The following CEP295 variants were observed in gnomAD, a reference collection of about 807,000 sequenced individuals.
CEP295 encodes centrosomal protein of 295 kDa.
Under a neutral mutation model 291.6 loss-of-function variants are expected in CEP295, and 190 were observed. That is an observed-to-expected ratio of 0.65 (90% confidence interval 0.58 to 0.73). The LOEUF (loss-of-function observed/expected upper bound fraction) is 0.73, where lower values mean the gene tolerates loss of function less well. Among genes scored for constraint, CEP295 ranks in the 30% least tolerant of loss-of-function variants. The pLI is 0.00. For synonymous variants in CEP295, 993 were observed against 1,038.8 expected (o/e 0.96, Z 0.85); for missense variants, 2,863 against 2,949.4 (o/e 0.97, Z 0.68).
intron 18 of CEP295, among the ~76,000 whole-genome samples, chr11:93,710,702 T>C (rs1952835074): frequency 6.6e-6 from 1 of 152,216 alleles, no homozygotes; most frequent in Non-Finnish European, 1.5e-5. Flanking sequence ...AGTTTGCCTT[T>C]AAGTGTTCGG....
intron 18 of CEP295, among the ~76,000 whole-genome samples, chr11:93,710,055 C>G (rs992563900): frequency 2.0e-5 from 3 of 152,012 alleles, no homozygotes; most frequent in South Asian, 2.1e-4. Flanking sequence ...TAGGTTTTTT[C>G]CAGATATAAG....
At position 93,696,953 on chromosome 11, in the gene CEP295, C is replaced by T. The variant is rs1951873629; in HGVS notation, c.2041C>T (p.His681Tyr). ...TCATTTTCAGGTAGCGAGACAAAAT[C>T]ACTTTCCACAAAGACAGGTGGAAAC... Reference protein sequence around the residue: ...QDHFQVARQNHFPQRQVETTE... With the variant: ...QDHFQVARQNYFPQRQVETTE... Residue 681 changes from histidine (H) to tyrosine (Y), a missense_variant, in exon 15 of 30, where the codon CAC becomes TAC. His to Tyr is a moderately conservative substitution (Grantham distance 83, BLOSUM62 2). Coordinates refer to ENST00000325212, the MANE Select transcript of CEP295 (RefSeq NM_033395.2). The T allele has an allele frequency of 6.4e-7, 1 of 1,551,802 alleles. No homozygotes were observed. Among genetic ancestry groups the T allele is most frequent in the Admixed American group, 2.0e-5 (1 of 50,996 alleles).
chr11:93,726,915 C>CA, intron 23 of CEP295, 61 bp from the exon 24 acceptor site: 1 of 1,305,670 alleles, frequency 7.7e-7, no homozygotes, highest in South Asian at 1.6e-5. Flanking sequence ...TAGAGACTGT[C>CA]AGTATCCAAC....
At chr11:93,720,110 C>G (rs571677564) in intron 18 of CEP295, among the ~76,000 whole-genome samples, 67 of 149,596 alleles carry the variant, frequency 4.5e-4, no homozygotes, top group Non-Finnish European at 8.4e-4. Context: ...ATAATCCCAG[C>G]TACTCAGGAG....
Position 93,698,096 on chromosome 11 carries a change from G to A in CEP295, c.3184G>A (p.Glu1062Lys). Residue 1062 changes from glutamate (E) to lysine (K), a missense_variant, in exon 15 of 30, where the codon GAA (glutamate) becomes AAA (lysine). Coordinates refer to ENST00000325212, the MANE Select transcript of CEP295 (RefSeq NM_033395.2). Reference sequence around the variant, plus strand: ...ACATGATAGTTTGAAGTTGCTCCAAGAACAGTTGACTAAACAGAGGGATAC... The same window carrying A: ...ACATGATAGTTTGAAGTTGCTCCAAAAACAGTTGACTAAACAGAGGGATAC... ...PLHDSLKLLQ[E>K]QLTKQRDTLQ... 1 of 1,552,116 alleles carries A rather than the reference G, an allele frequency of 6.4e-7. No homozygotes were observed. Among genetic ancestry groups the A allele is most frequent in the South Asian group, 1.2e-5 (1 of 84,032 alleles).
chr11:93,695,526 G>A lies in CEP295; in HGVS notation c.1563G>A (p.Lys521=). 2.0e-6 allele frequency: 3 copies of A among 1,465,914 alleles called. No individual in the cohort carries two copies. Among genetic ancestry groups the A allele is most frequent in the Non-Finnish European group, 2.7e-6 (3 of 1,117,990 alleles). The allele number at this position is 1,465,914 out of a possible 1,614,324, so 90.8% of individuals were successfully genotyped here. Residue 521 remains lysine (K), a synonymous_variant, in exon 13 of 30, where the codon AAG becomes AAA. Coordinates refer to ENST00000325212, the MANE Select transcript of CEP295 (RefSeq NM_033395.2). Reference sequence around the variant, plus strand: ...TGGAAATAGAAGAGCAGAAGCAAAAGCAATTGGAATTACTTGAACAAATTG... The same window carrying A: ...TGGAAATAGAAGAGCAGAAGCAAAAACAATTGGAATTACTTGAACAAATTG... ...QIMEIEEQKQ[K]QLELLEQIEQ... is the part of the protein sequence containing the mutation.
chr11:93,729,324 T>C (rs1194826283), intron 25 of CEP295, 110 bp from the exon 26 acceptor site: 13 of 733,388 alleles, frequency 1.8e-5, no homozygotes, highest in African/African-American at 1.8e-5. Flanking sequence ...CCAGCTAAGA[T>C]TGAGGCTGCA....
Position 93,683,989 on chromosome 11 carries a change from C to T in CEP295, c.975C>T (p.His325=). The change falls in exon 9 of 30, where the codon CAC becomes CAT. Residue 325 remains histidine (H), a synonymous_variant. Transcript: ENST00000325212. ...DRKVKGNLIL[H]LEPEPLPTVT... is the part of the protein sequence containing the mutation. ...AGGTGAAAGGGAATCTGATTCTGCA[C>T]CTTGAACCAGAGCCCTTGCCCACTG... is the stretch of plus-strand genomic sequence containing the variant. The T allele has an allele frequency of 1.3e-6, 2 of 1,551,426 alleles. No homozygotes were observed. Among genetic ancestry groups the T allele is most frequent in the East Asian group, 2.4e-5 (1 of 40,896 alleles).
chr11:93,700,548 C>G (rs1331992288), intron 15 of CEP295, among the ~76,000 whole-genome samples: 1 of 150,994 alleles, frequency 6.6e-6, no homozygotes, highest in East Asian at 1.9e-4. Flanking sequence ...GCCTCAGTCT[C>G]CCAAGTAGCT....
chr11:93,713,649 T>C (rs1185984420), intron 18 of CEP295, among the ~76,000 whole-genome samples: 1 of 152,216 alleles, frequency 6.6e-6, no homozygotes, highest in African/African-American at 2.4e-5. Flanking sequence ...TAGTCTTCTT[T>C]GGGTTAAATC....
intron 25 of CEP295, 169 bp downstream of exon 25, chr11:93,728,990 C>T (rs897475172): frequency 1.7e-6 from 1 of 585,662 alleles, no homozygotes; most frequent in Non-Finnish European, 2.9e-6. Flanking sequence ...TTCTGTCAAC[C>T]ATTGTGCATT....
At chr11:93,681,403 ATTTTTTTTTTTTT>A (rs71064773) in intron 7 of CEP295, among the ~76,000 whole-genome samples, 6 of 36,528 alleles carry the variant, frequency 1.6e-4, no homozygotes, top group East Asian at 1.0e-3. Context: ...CACCCAGCTA[ATTTTTTTTTTTTT>A]TTTTTTTTTT....
chr11:93,679,485 G>A lies in CEP295; in HGVS notation c.698G>A (p.Arg233Lys). The A allele has an allele frequency of 1.3e-6, 2 of 1,551,572 alleles. No homozygotes were observed. Among genetic ancestry groups the A allele is most frequent in the Non-Finnish European group, 1.7e-6 (2 of 1,146,876 alleles). ...EELQKQAAQE[R>K]MERFEKAHVR... ...CTACAAAAACAGGCAGCACAAGAGA[G>A]AATGGAACGGTTTGAAAAGGCACAT... is the stretch of plus-strand genomic sequence containing the variant. Residue 233 changes from arginine to lysine, a missense_variant, in exon 7 of 30, where the codon AGA becomes AAA. By Grantham distance (26) the Arg-to-Lys change is conservative. This residue lies in a region of CEP295 where 554 missense variants were observed against 576.0 expected (regional missense o/e 0.96). Transcript: ENST00000325212.
At chr11:93,709,451 C>T (rs927798934) in intron 18 of CEP295, among the ~76,000 whole-genome samples, 1 of 152,154 alleles carries the variant, frequency 6.6e-6, no homozygotes, top group African/African-American at 2.4e-5. Context: ...ACTGAGTACA[C>T]AGTAAATGTA....
At chr11:93,678,332 C>T (rs1950800697) in intron 6 of CEP295, among the ~76,000 whole-genome samples, 1 of 151,914 alleles carries the variant, frequency 6.6e-6, no homozygotes, top group African/African-American at 2.4e-5. Flanking sequence ...CTTTTTTTGT[C>T]TTACCTGATG....
intron 7 of CEP295, among the ~76,000 whole-genome samples, chr11:93,680,198 G>A (rs1024052488): frequency 6.6e-6 from 1 of 152,162 alleles, no homozygotes; most frequent in Non-Finnish European, 1.5e-5. Flanking sequence ...GATCACCTGA[G>A]CCCGGGACAA....
At chr11:93,706,054 C>T (rs556118451) in intron 17 of CEP295, among the ~76,000 whole-genome samples, 7 of 152,276 alleles carry the variant, frequency 4.6e-5, no homozygotes, top group African/African-American at 1.7e-4. Flanking sequence ...TGCCTGATCC[C>T]CTGGACCCCA....
rs1308785348 is a variant in CEP295 at position 93,706,836 on chromosome 11, G to C, written c.5688G>C (p.Pro1896=). 1 of 1,549,340 alleles carries C rather than the reference G, an allele frequency of 6.5e-7. No homozygotes were observed. The change falls in exon 18 of 30, where the codon CCG becomes CCC. Residue 1896 remains proline, a synonymous_variant. Transcript: ENST00000325212. ...TTGGGAGCCCACTGGCCCATGATCCGTTTAGTTGTCTTCAACTGGTTGGCC... is the reference window on the plus strand; with the variant it reads ...TTGGGAGCCCACTGGCCCATGATCCCTTTAGTTGTCTTCAACTGGTTGGCC... ...SFFGSPLAHD[P]FSCLQLVGQE...
chr11:93,687,745 A>G lies in CEP295; in HGVS notation c.1216A>G (p.Met406Val), dbSNP rs765770506. The G allele has an allele frequency of 4.6e-5, 72 of 1,550,164 alleles. No homozygotes were observed. The highest frequency in any genetic ancestry group is 1.7e-4 in the Middle Eastern group (1 of 6,008). ...SQKSLWTIKS[M>V]SEDESEMITT... ...AAAATCTCTCTGGACAATTAAATCT[A>G]TGTCTGAGGATGAAAGTGAAATGAT... Residue 406 changes from methionine (M) to valine (V), a missense_variant, in exon 10 of 30, where the codon ATG (methionine) becomes GTG (valine). Met to Val is a conservative substitution (Grantham distance 21, BLOSUM62 1). This residue lies in a region of CEP295 where 554 missense variants were observed against 576.0 expected (regional missense o/e 0.96). Transcript: ENST00000325212.
Sources: allele counts gnomAD v4.1 joint callset (sites outside exome capture counted in the v4.1 genomes callset), GRCh38; gene constraint gnomAD v4.1.1; regional missense constraint gnomAD v4.1.1; transcripts MANE v1.5; gene names NCBI Gene and HGNC (gene_info 2026-07-23, HGNC 2026-07-21).